Variants in NET1 observed in about 807,000 individuals in gnomAD.
The protein encoded by NET1 is neuroepithelial cell transforming 1.
NET1 carries 42 observed loss-of-function variants against 61.1 expected under a neutral mutation model. The observed-to-expected ratio is 0.69, with a 90% confidence interval of 0.54 to 0.89. NET1 has a LOEUF of 0.89. Among genes scored for constraint, NET1 ranks in the 40% least tolerant of loss-of-function variants. NET1 has a pLI of 0.00. For missense variants in NET1, 654 were observed against 747.3 expected (o/e 0.88, Z 1.46); for synonymous variants, 254 against 281.8 (o/e 0.90, Z 0.99).
In NET1 at chr10:5,452,701, C is replaced by T. The variant is rs1346090164; in HGVS notation, c.532-157C>T. ...TAATAGGGTAAACTTACCAAACATACGGCAACCTTGTATTTGAGATTCCAT... is the reference window on the plus strand; with the variant it reads ...TAATAGGGTAAACTTACCAAACATATGGCAACCTTGTATTTGAGATTCCAT... On this transcript the variant is annotated intron_variant, in intron 5 of 11. Transcript: ENST00000355029. This position sits in a 1 kb window ranked among gnomAD's most constrained non-coding sequence, Gnocchi z 4.0. 4.4e-6 allele frequency: 4 copies of T among 910,358 alleles called. No homozygotes were observed. The highest frequency in any genetic ancestry group is 3.6e-5 in the South Asian group (2 of 55,278). 56.4% of individuals were successfully genotyped at this position (910,358 alleles called of 1,614,324 possible).
intron 3 of NET1, among the ~76,000 whole-genome samples, chr10:5,432,341 C>T (rs1832361572): frequency 6.6e-6 from 1 of 152,132 alleles, no homozygotes; most frequent in South Asian, 2.1e-4. Context: ...CACCAAAAGT[C>T]CAGAGACATT....
At chr10:5,433,808 T>C (rs566466140) in intron 3 of NET1, among the ~76,000 whole-genome samples, 2 of 152,258 alleles carry the variant, frequency 1.3e-5, no homozygotes, top group Non-Finnish European at 2.9e-5. Flanking sequence ...CTTCATCTTT[T>C]AAAATCTTTT....
chr10:5,444,399 T>C lies in NET1; in HGVS notation c.256-7431T>C, dbSNP rs1222433812. On this transcript the variant is annotated intron_variant, in intron 3 of 11. Transcript: ENST00000355029. This position sits in a 1 kb window ranked among gnomAD's most constrained non-coding sequence, Gnocchi z 5.3. Reference sequence around the variant, plus strand: ...AGGCAATTACTTTTTATAGATTATTTGTCTTTATAAATAGTCTGCACCCAC... The same window carrying C: ...AGGCAATTACTTTTTATAGATTATTCGTCTTTATAAATAGTCTGCACCCAC... 2.0e-5 allele frequency among the ~76,000 whole-genome samples: 3 copies of C among 152,312 alleles called. No individual in the cohort carries two copies. The East Asian group carries it at 5.8e-4, about 29-fold the overall frequency.
chr10:5,455,966 T>G lies in NET1; in HGVS notation c.1198-121T>G, dbSNP rs1832789804. Reference sequence around the variant, plus strand: ...CTTTATGGATTACTAGATTTGTCACTTAGAGAGATCTTCGAAAAATAAATC... The same window carrying G: ...CTTTATGGATTACTAGATTTGTCACGTAGAGAGATCTTCGAAAAATAAATC... On this transcript the variant is annotated intron_variant, in intron 10 of 11. Transcript: ENST00000355029. The surrounding 1 kb of genome is among the most constrained non-coding windows in gnomAD (Gnocchi z 6.5). The G allele has an allele frequency of 2.0e-6, 2 of 1,001,254 alleles. No individual in the cohort carries two copies. The highest frequency in any genetic ancestry group is 3.2e-5 in the African/African-American group (2 of 61,868). 62.0% of individuals were successfully genotyped at this position (1,001,254 alleles called of 1,614,324 possible).
At position 5,452,565 on chromosome 10, in the gene NET1, A is replaced by G; in HGVS notation, c.531+40A>G. 1 of 1,564,356 alleles carries G rather than the reference A, an allele frequency of 6.4e-7. No individual in the cohort carries two copies. Among genetic ancestry groups the G allele is most frequent in the Non-Finnish European group, 8.7e-7 (1 of 1,152,550 alleles). ...AGTGTACATGTTTTCCCAAAAGAAC[A>G]GCAAATTGATGCCGATGGCAAAATT... On this transcript the variant is annotated intron_variant, in intron 5 of 11. Coordinates refer to ENST00000355029, the MANE Select transcript of NET1 (RefSeq NM_001047160.3). This position sits in a 1 kb window ranked among gnomAD's most constrained non-coding sequence, Gnocchi z 4.0.
chr10:5,412,682 T>C lies in NET1; in HGVS notation c.-11T>C. 1 of 1,462,696 alleles carries C rather than the reference T, an allele frequency of 6.8e-7. No individual in the cohort carries two copies. Among genetic ancestry groups the C allele is most frequent in the Non-Finnish European group, 8.9e-7 (1 of 1,118,328 alleles). The allele number at this position is 1,462,696 out of a possible 1,614,324, so 90.6% of individuals were successfully genotyped here. On this transcript the variant is annotated 5_prime_UTR_variant, in exon 1 of 12. Coordinates refer to ENST00000355029, the MANE Select transcript of NET1 (RefSeq NM_001047160.3). This position sits in a 1 kb window ranked among gnomAD's most constrained non-coding sequence, Gnocchi z 6.5. ...GGCACCCGGCCACCGCCCCACCCCC[T>C]CCTCCGTGCCATGGAGCCCGAGCTG...
chr10:5,428,890 T>TA (rs1832303224), intron 2 of NET1, among the ~76,000 whole-genome samples: 1 of 464 alleles, frequency 2.2e-3, no homozygotes, highest in South Asian at 0.1. Flanking sequence ...GCGCAGCTAA[T>TA]TTTTTTTTTT....
rs1304978542 is a variant in NET1 at position 5,447,113 on chromosome 10, C to T, written c.256-4717C>T. On this transcript the variant is annotated intron_variant, in intron 3 of 11. Transcript: ENST00000355029. This position sits in a 1 kb window ranked among gnomAD's most constrained non-coding sequence, Gnocchi z 4.1. ...AAAGATTTTAAATGTATATGTTACTCGGGTTACGTTTGTCACATTTCTGAT... is the reference window on the plus strand; with the variant it reads ...AAAGATTTTAAATGTATATGTTACTTGGGTTACGTTTGTCACATTTCTGAT... Among the ~76,000 whole-genome samples, 3 of 152,128 alleles carry T rather than the reference C, an allele frequency of 2.0e-5. No individual in the cohort carries two copies. The highest frequency in any genetic ancestry group is 7.2e-5 in the African/African-American group (3 of 41,424).
In NET1 at chr10:5,440,624, A is replaced by C. The variant is rs570796074; in HGVS notation, c.256-11206A>C. The stretch of plus-strand genomic sequence containing the variant: ...TGACTTACCATCTTGGCCCAGGTGT[A>C]AGGGGTGAAATTTCAGGGACTCCCA... On this transcript the variant is annotated intron_variant, in intron 3 of 11. Coordinates refer to ENST00000355029, the MANE Select transcript of NET1 (RefSeq NM_001047160.3). The surrounding 1 kb of genome is among the most constrained non-coding windows in gnomAD (Gnocchi z 4.1). 2.0e-5 allele frequency among the ~76,000 whole-genome samples: 3 copies of C among 152,278 alleles called. No homozygotes were observed. Among genetic ancestry groups the C allele is most frequent in the Middle Eastern group, 3.4e-3 (1 of 294 alleles).
rs1261195753 is a variant in NET1, at chr10:5,457,637, A to T, written c.*643A>T. On this transcript the variant is annotated 3_prime_UTR_variant, in exon 12 of 12. Transcript: ENST00000355029. The surrounding 1 kb of genome is among the most constrained non-coding windows in gnomAD (Gnocchi z 5.4). Reference sequence around the variant, plus strand: ...AAAGTAGTTTTTAGCATTTGCTTTTATTTTTTTACTTTGATGCCTTTTCAA... The same window carrying T: ...AAAGTAGTTTTTAGCATTTGCTTTTTTTTTTTTACTTTGATGCCTTTTCAA... 2 of 151,826 alleles carry T rather than the reference A, an allele frequency of 1.3e-5. No individual in the cohort carries two copies. Among genetic ancestry groups the T allele is most frequent in the Non-Finnish European group, 2.9e-5 (2 of 67,838 alleles). 9.4% of individuals were successfully genotyped at this position (151,826 alleles called of 1,614,324 possible).
Position 5,444,783 on chromosome 10 carries a change from T to C in NET1, c.256-7047T>C, listed in dbSNP as rs1832579428. Among the ~76,000 whole-genome samples, 1 of 152,240 alleles carries C rather than the reference T, an allele frequency of 6.6e-6. No individual in the cohort carries two copies. Among genetic ancestry groups the C allele is most frequent in the Non-Finnish European group, 1.5e-5 (1 of 68,044 alleles). ...CAGTCTAAATCTAGCCTCCAGCCTC[T>C]TTCAGGTTTTTGTCCAACATTTCCA... On this transcript the variant is annotated intron_variant, in intron 3 of 11. Transcript: ENST00000355029. The surrounding 1 kb of genome is among the most constrained non-coding windows in gnomAD (Gnocchi z 5.3).
rs1214398058 is a variant in NET1 at position 5,416,728 on chromosome 10, TGCTC to T, written c.128+3912_128+3915del. Among the ~76,000 whole-genome samples, 17 of 152,276 alleles carry T rather than the reference TGCTC, an allele frequency of 1.1e-4. No individual in the cohort carries two copies. The highest frequency in any genetic ancestry group is 3.8e-4 in the African/African-American group (16 of 41,562). Reference sequence around the variant, plus strand: ...CCTCGCAGGGCGTGCACTGGAGGTGTGCTCGCTTCTTCGGTGCCCTGCTGTTCAA... The same window carrying T: ...CCTCGCAGGGCGTGCACTGGAGGTGTGCTTCTTCGGTGCCCTGCTGTTCAA... On this transcript the variant is annotated intron_variant, in intron 1 of 11. Coordinates refer to ENST00000355029, the MANE Select transcript of NET1 (RefSeq NM_001047160.3). The surrounding 1 kb of genome is among the most constrained non-coding windows in gnomAD (Gnocchi z 6.1).
Position 5,431,636 on chromosome 10 carries a change from T to TCC in NET1, c.255+2408_255+2409dup, listed in dbSNP as rs1203342291. Among the ~76,000 whole-genome samples, 1 of 152,234 alleles carries TCC rather than the reference T, an allele frequency of 6.6e-6. No homozygotes were observed. The highest frequency in any genetic ancestry group is 1.5e-5 in the Non-Finnish European group (1 of 68,036). Reference sequence around the variant, plus strand: ...AAGCAGAACAAGTGCTTGATTCTTTTCCTTTGTCAGTTTTCAACAATAACG... The same window carrying TCC: ...AAGCAGAACAAGTGCTTGATTCTTTTCCCCTTTGTCAGTTTTCAACAATAACG... On this transcript the variant is annotated intron_variant, in intron 3 of 11. Transcript: ENST00000355029. This position sits in a 1 kb window ranked among gnomAD's most constrained non-coding sequence, Gnocchi z 4.9.
In NET1 at chr10:5,456,036, T is replaced by G; in HGVS notation, c.1198-51T>G. 1 of 1,510,506 alleles carries G rather than the reference T, an allele frequency of 6.6e-7. No homozygotes were observed. The highest frequency in any genetic ancestry group is 9.0e-7 in the Non-Finnish European group (1 of 1,108,034). The allele number at this position is 1,510,506 out of a possible 1,614,324, so 93.6% of individuals were successfully genotyped here. A position where few individuals can be genotyped will look rare whatever the true frequency, so the allele number is the denominator to read the frequency against. On this transcript the variant is annotated intron_variant, in intron 10 of 11. Coordinates refer to ENST00000355029, the MANE Select transcript of NET1 (RefSeq NM_001047160.3). The surrounding 1 kb of genome is among the most constrained non-coding windows in gnomAD (Gnocchi z 7.0). ...GAGTTATTTTAGCAATATATTTCAG[T>G]CACTTAAAAACACAAGTTTCCTATT...
rs1832785797 is a variant in NET1 at position 5,455,743 on chromosome 10, A to G, written c.1198-344A>G. Among the ~76,000 whole-genome samples, 1 of 152,194 alleles carries G rather than the reference A, an allele frequency of 6.6e-6. No homozygotes were observed. Among genetic ancestry groups the G allele is most frequent in the African/African-American group, 2.4e-5 (1 of 41,438 alleles). ...AACATTTTACCAGCTTGCATTTTTA[A>G]TCCCTCCTTCGTGTTAGAAAACTGT... On this transcript the variant is annotated intron_variant, in intron 10 of 11. Coordinates refer to ENST00000355029, the MANE Select transcript of NET1 (RefSeq NM_001047160.3). This position sits in a 1 kb window ranked among gnomAD's most constrained non-coding sequence, Gnocchi z 6.5.
In NET1 at chr10:5,416,701, C is replaced by T. The variant is rs1832086948; in HGVS notation, c.128+3881C>T. Among the ~76,000 whole-genome samples the T allele has an allele frequency of 6.6e-6, 1 of 151,962 alleles. No homozygotes were observed. Among genetic ancestry groups the T allele is most frequent in the Admixed American group, 6.5e-5 (1 of 15,278 alleles). On this transcript the variant is annotated intron_variant, in intron 1 of 11. Transcript: ENST00000355029. The surrounding 1 kb of genome is among the most constrained non-coding windows in gnomAD (Gnocchi z 6.1). ...TTGAAATGGGAAAAGTTCCCTTTTC[C>T]CCCTCGCAGGGCGTGCACTGGAGGT...
chr10:5,446,655 C>G lies in NET1; in HGVS notation c.256-5175C>G. The stretch of plus-strand genomic sequence containing the variant: ...GCGAGAGGCATGGGCACGTGGCTGC[C>G]GAGGGTGGCCGAGCTCTGGGAAGAA... On this transcript the variant is annotated intron_variant, in intron 3 of 11. Coordinates refer to ENST00000355029, the MANE Select transcript of NET1 (RefSeq NM_001047160.3). The surrounding 1 kb of genome is among the most constrained non-coding windows in gnomAD (Gnocchi z 5.0). 7.6e-7 allele frequency: 1 copy of G among 1,315,454 alleles called. No individual in the cohort carries two copies. The highest frequency in any genetic ancestry group is 9.7e-7 in the Non-Finnish European group (1 of 1,025,732). 81.5% of individuals were successfully genotyped at this position (1,315,454 alleles called of 1,614,324 possible). A position where few individuals can be genotyped will look rare whatever the true frequency, so the allele number is the denominator to read the frequency against.
intron 3 of NET1, among the ~76,000 whole-genome samples, chr10:5,434,243 A>C (rs912197394): frequency 3.9e-5 from 6 of 152,122 alleles, no homozygotes; most frequent in Non-Finnish European, 2.9e-5. Flanking sequence ...GTATGGTTTC[A>C]TCCTTTCTGA....
rs1448179127 is a variant in NET1, at chr10:5,412,976, C to T, written c.128+156C>T. ...CGGCGAGTGGGGGTGTTGGTGAGGGCCAGGGGGAGGCGAGGGCCGCTGGGA... is the reference window on the plus strand; with the variant it reads ...CGGCGAGTGGGGGTGTTGGTGAGGGTCAGGGGGAGGCGAGGGCCGCTGGGA... On this transcript the variant is annotated intron_variant, in intron 1 of 11. Transcript: ENST00000355029. The surrounding 1 kb of genome is among the most constrained non-coding windows in gnomAD (Gnocchi z 6.5). Among the ~76,000 whole-genome samples the T allele has an allele frequency of 9.7e-6, 1 of 102,686 alleles. No homozygotes were observed. Among genetic ancestry groups the T allele is most frequent in the Non-Finnish European group, 1.9e-5 (1 of 51,462 alleles). The allele number at this position is 102,686 out of a possible 152,430, so 67.4% of individuals were successfully genotyped here. A position where few individuals can be genotyped will look rare whatever the true frequency, so the allele number is the denominator to read the frequency against.
Sources: gnomAD v4.1 joint callset for allele counts (sites outside exome capture counted in the v4.1 genomes callset) on GRCh38, gnomAD v4.1.1 for gene constraint, Gnocchi (gnomAD v3.1) non-coding constraint, MANE v1.5 for transcripts, NCBI Gene and HGNC (gene_info 2026-07-23, HGNC 2026-07-21) for gene names.